NSDHL: variants seen among roughly 807,000 people sequenced by gnomAD.
NSDHL encodes NAD(P) dependent 3-beta-hydroxysteroid dehydrogenase NSDHL, also known as sterol-4-alpha-carboxylate 3-dehydrogenase, decarboxylating.
In NSDHL, 1 loss-of-function variant was observed where a neutral mutation model predicts 23.0. The observed-to-expected ratio is 0.04, with a 90% CI of 0.02 to 0.21. The LOEUF is 0.21. Ranked by LOEUF, NSDHL falls within the 10% of genes least tolerant of loss-of-function variation. NSDHL has a pLI of 1.00. For missense variants in NSDHL, 237 were observed against 300.9 expected (o/e 0.79, Z 1.57); for synonymous variants, 128 against 121.1 (o/e 1.06, Z -0.37).
intron 5 of NSDHL, among the ~76,000 whole-genome samples, chrX:152,862,960 G>A (rs781840671): frequency 1.8e-5 from 2 of 111,319 alleles, no homozygotes; most frequent in East Asian, 5.7e-4. Flanking sequence ...TCAGGAGTTC[G>A]AGACCAGCCT....
chrX:152,836,493 AG>A (rs1461162010), intron 1 of NSDHL, among the ~76,000 whole-genome samples: 1 of 111,859 alleles, frequency 8.9e-6, no homozygotes, highest in Non-Finnish European at 1.9e-5. Flanking sequence ...GGTGTAAGGA[AG>A]GGATCCAGTT....
Position 152,868,784 on chromosome X carries a change from G to T in NSDHL, c.790G>T (p.Ala264Ser). The change falls in exon 8 of 8, where the codon GCA (alanine) becomes TCA (serine). Residue 264 changes from alanine to serine, a missense_variant and splice_region_variant. Ala to Ser is a moderately conservative substitution (Grantham distance 99). Around this residue, in one of 3 missense-constraint regions of NSDHL, gnomAD observed 117 missense variants for 99.5 expected, o/e 1.18. Coordinates refer to ENST00000370274, the MANE Select transcript of NSDHL (RefSeq NM_015922.3). ...LSRDSTLGGK[A>S]FHITNDEPIP... ...CTTCTTGTTCTTGTTCTCCCGCCAG[G>T]CATTTCACATCACCAATGATGAGCC... 8.3e-7 allele frequency: 1 copy of T among 1,207,297 alleles called. No individual in the cohort carries two copies. The highest frequency in any genetic ancestry group is 1.1e-6 in the Non-Finnish European group (1 of 892,521).
chrX:152,844,912 A>G (rs1377077160), intron 1 of NSDHL, among the ~76,000 whole-genome samples: 1 of 112,048 alleles, frequency 8.9e-6, no homozygotes, highest in South Asian at 3.8e-4. Flanking sequence ...ATTGAGTCCC[A>G]GTGAGTTCAA....
intron 3 of NSDHL, among the ~76,000 whole-genome samples, chrX:152,857,059 A>G (rs1314021563): frequency 8.9e-6 from 1 of 112,545 alleles, no homozygotes; most frequent in Non-Finnish European, 1.9e-5. Context: ...AAATAAAATA[A>G]AAAAGAATCC....
In NSDHL at chrX:152,852,083, G is replaced by A. The variant is rs369294676; in HGVS notation, c.267+1660G>A. 3.6e-5 allele frequency among the ~76,000 whole-genome samples: 4 copies of A among 110,305 alleles called. No individual in the cohort carries two copies. In the East Asian group the frequency reaches 8.5e-4, roughly 24 times the overall value. On this transcript the variant is annotated intron_variant, in intron 3 of 7. Coordinates refer to ENST00000370274, the MANE Select transcript of NSDHL (RefSeq NM_015922.3). ...ATGCCCACCATGGCTCAGCCTGTTC[G>A]TGCCTCACTGCCTTTAGTTCCCTGG...
intron 1 of NSDHL, among the ~76,000 whole-genome samples, chrX:152,838,700 G>A (rs1274868317): frequency 8.9e-6 from 1 of 111,922 alleles, no homozygotes; most frequent in Non-Finnish European, 1.9e-5. Flanking sequence ...CATTTGCTGA[G>A]GAGTGCTTTA....
rs1193855216 is a variant in NSDHL at position 152,837,844 on chromosome X, T to C, written c.-44+6727T>C. On this transcript the variant is annotated intron_variant, in intron 1 of 7. Transcript: ENST00000370274. The stretch of plus-strand genomic sequence containing the variant: ...TTAGGGAGGATTCCCTCTTTTTCTA[T>C]TGAGTGGAATAGTTTCAGAAGGAAT... Among the ~76,000 whole-genome samples the C allele has an allele frequency of 2.7e-5, 3 of 112,081 alleles. No homozygotes were observed. The Admixed American group carries it at 2.8e-4, about 11-fold the overall frequency.
chrX:152,855,061 C>A (rs1361119330), intron 3 of NSDHL, among the ~76,000 whole-genome samples: 1 of 103,589 alleles, frequency 9.7e-6, no homozygotes, highest in Non-Finnish European at 2.0e-5. Context: ...GTGGCGTGAT[C>A]TTGACTCACT....
rs782204077 is a variant in NSDHL at position 152,867,666 on chromosome X, G to C, written c.782G>C (p.Gly261Ala). 8.4e-7 allele frequency: 1 copy of C among 1,192,151 alleles called. No individual in the cohort carries two copies. Among genetic ancestry groups the C allele is most frequent in the Non-Finnish European group, 1.1e-6 (1 of 877,412 alleles). ...AEQLSRDSTL[G>A]GKAFHITNDE... ...CAGCTCTCCCGAGACTCGACACTGG[G>C]TGGGAAGGTAAGGCCTGCTGCACCG... Residue 261 changes from glycine to alanine, a missense_variant, in exon 7 of 8, where the codon GGT (glycine) becomes GCT (alanine). Physicochemically the swap from Gly to Ala is moderately conservative, Grantham distance 60 (BLOSUM62 0). Around this residue, in one of 3 missense-constraint regions of NSDHL, gnomAD observed 117 missense variants for 99.5 expected, o/e 1.18. Transcript: ENST00000370274.
chrX:152,869,301 A>G lies in NSDHL; in HGVS notation c.*185A>G, dbSNP rs1439632727. The G allele has an allele frequency of 1.3e-5, 6 of 475,001 alleles. No individual in the cohort carries two copies. Among genetic ancestry groups the G allele is most frequent in the Non-Finnish European group, 2.3e-5 (6 of 265,992 alleles). The allele number at this position is 475,001 out of a possible 1,213,427, so 39.1% of individuals were successfully genotyped here. A position where few individuals can be genotyped will look rare whatever the true frequency, so the allele number is the denominator to read the frequency against. ...GGCAAAAACAGACATTTCTTCCTTC[A>G]TGGAACTGGATTTGGATTTCTTGAA... On this transcript the variant is annotated 3_prime_UTR_variant, in exon 8 of 8. Coordinates refer to ENST00000370274, the MANE Select transcript of NSDHL (RefSeq NM_015922.3).
chrX:152,846,264 TCTAA>T lies in NSDHL; in HGVS notation c.-43-14_-43-11del. The stretch of plus-strand genomic sequence containing the variant: ...GACTTAGGCAACATTAATGTCTGTC[TCTAA>T]CTATGTCTTTAAGAAAAGAAAAGTT... On this transcript the variant is annotated splice_polypyrimidine_tract_variant and intron_variant, in intron 1 of 7. Coordinates refer to ENST00000370274, the MANE Select transcript of NSDHL (RefSeq NM_015922.3). 3 of 866,076 alleles carry T rather than the reference TCTAA, an allele frequency of 3.5e-6. No homozygotes were observed. Among genetic ancestry groups the T allele is most frequent in the East Asian group, 6.2e-5 (2 of 32,296 alleles). The allele number at this position is 866,076 out of a possible 1,213,427, so 71.4% of individuals were successfully genotyped here.
At chrX:152,840,855 C>T (rs1933179925) in intron 1 of NSDHL, among the ~76,000 whole-genome samples, 2 of 113,093 alleles carry the variant, frequency 1.8e-5, no homozygotes, top group African/African-American at 6.4e-5. Context: ...CAGACAAGGA[C>T]GTTTAAGTCT....
intron 3 of NSDHL, among the ~76,000 whole-genome samples, chrX:152,853,108 A>G (rs781863062): frequency 1.1e-5 from 1 of 94,267 alleles, no homozygotes; most frequent in Admixed American, 1.2e-4. Flanking sequence ...GTTATCTCCA[A>G]CCCCTAGCTC....
intron 6 of NSDHL, 29 bp from the exon 7 acceptor site, chrX:152,867,542 G>A (rs782706565): frequency 1.2e-5 from 13 of 1,064,517 alleles, no homozygotes; most frequent in South Asian, 3.7e-5. Flanking sequence ...CTCCCAGCAC[G>A]TATTCCATCA....
intron 6 of NSDHL, among the ~76,000 whole-genome samples, chrX:152,866,454 A>G (rs1470767154): frequency 8.8e-6 from 1 of 113,233 alleles, no homozygotes; most frequent in Non-Finnish European, 1.9e-5. Flanking sequence ...TGTAGTTGCC[A>G]TAACAACCTG....
chrX:152,862,640 C>T lies in NSDHL; in HGVS notation c.459C>T (p.Val153=), dbSNP rs782635997. 34 of 1,200,548 alleles carry T rather than the reference C, an allele frequency of 2.8e-5. No individual in the cohort carries two copies. Among genetic ancestry groups the T allele is most frequent in the South Asian group, 3.5e-5 (2 of 56,551 alleles). ...GTGCCAGTGTCATCTTTGAGGGCGT[C>T]GATATCAAGAATGGAACTGAAGACC... is the stretch of plus-strand genomic sequence containing the variant. ...TSSASVIFEG[V]DIKNGTEDLP... is the part of the protein sequence containing the mutation. Residue 153 remains valine, a synonymous_variant, in exon 5 of 8, where the codon GTC becomes GTT. Coordinates refer to ENST00000370274, the MANE Select transcript of NSDHL (RefSeq NM_015922.3).
At chrX:152,854,532 C>G (rs782242785) in intron 3 of NSDHL, among the ~76,000 whole-genome samples, 1 of 110,331 alleles carries the variant, frequency 9.1e-6, no homozygotes. Flanking sequence ...GCCTCAGCCT[C>G]CCTAATAGCT....
intron 4 of NSDHL, among the ~76,000 whole-genome samples, chrX:152,859,261 C>T (rs781942547): frequency 8.9e-5 from 10 of 111,894 alleles, no homozygotes; most frequent in Non-Finnish European, 1.7e-4. Context: ...TTTTTAAGTG[C>T]GGAGTTCAGT....
intron 1 of NSDHL, among the ~76,000 whole-genome samples, chrX:152,833,021 C>T (rs1283693906): frequency 2.7e-5 from 3 of 111,004 alleles, no homozygotes; most frequent in African/African-American, 6.6e-5. Context: ...TCAGGAAGAC[C>T]GTGAGGATGG....
Sources: allele counts gnomAD v4.1 joint callset (sites outside exome capture counted in the v4.1 genomes callset), GRCh38; gene constraint gnomAD v4.1.1; regional missense constraint gnomAD v4.1.1; transcripts MANE v1.5; gene names NCBI Gene and HGNC (gene_info 2026-07-23, HGNC 2026-07-21).